The following PTPRN2 variants were observed in gnomAD, a reference collection of about 807,000 sequenced individuals.
The protein encoded by PTPRN2 is receptor-type tyrosine-protein phosphatase N2.
PTPRN2 carries 74 observed loss-of-function variants against 118.8 expected under a neutral mutation model. The observed-to-expected ratio is 0.62, with a 90% confidence interval of 0.52 to 0.76. The LOEUF is 0.76. Among genes scored for constraint, PTPRN2 ranks in the 30% least tolerant of loss-of-function variants. The probability of loss-of-function intolerance (pLI) is 0.00; values close to 1 mark genes in which losing one functional copy is unlikely to be tolerated. For synonymous variants in PTPRN2, 641 were observed against 608.0 expected (o/e 1.05, Z -0.80); for missense variants, 1,481 against 1,394.4 (o/e 1.06, Z -0.99).
At chr7:157,670,405 A>C (rs559149586) in intron 13 of PTPRN2, among the ~76,000 whole-genome samples, 7 of 152,288 alleles carry the variant, frequency 4.6e-5, no homozygotes, top group African/African-American at 1.7e-4. Context: ...TGAAACCAGG[A>C]AACAGTTGTG....
intron 13 of PTPRN2, among the ~76,000 whole-genome samples, chr7:157,658,362 A>AG (rs1292557976): frequency 6.6e-6 from 1 of 152,204 alleles, no homozygotes; most frequent in East Asian, 1.9e-4. Flanking sequence ...GGCACAGGGG[A>AG]GGGAGAAAGG....
chr7:158,051,106 T>C (rs1418789228), intron 11 of PTPRN2, among the ~76,000 whole-genome samples: 2 of 152,154 alleles, frequency 1.3e-5, no homozygotes, highest in Admixed American at 1.3e-4. Flanking sequence ...GCAGTGCCCA[T>C]GGGGGGCATC....
chr7:157,656,504 C>G lies in PTPRN2; in HGVS notation c.2049G>C (p.Glu683Asp), dbSNP rs1205095222. 2 of 1,552,618 alleles carry G rather than the reference C, an allele frequency of 1.3e-6. No individual in the cohort carries two copies. The highest frequency in any genetic ancestry group is 1.7e-6 in the Non-Finnish European group (2 of 1,153,734). ...TGCTGATGCGTGACGTGTGCGGGCC[C>G]TCAGGTCGGTCTGGTGGCCGCGTGG... Reference protein sequence around the residue: ...RMATRPPDRPEGPHTSRISSV... With the variant: ...RMATRPPDRPDGPHTSRISSV... Residue 683 changes from glutamate (E) to aspartate (D), a missense_variant, in exon 14 of 23, where the codon GAG (glutamate) becomes GAC (aspartate). Physicochemically the swap from Glu to Asp is conservative, Grantham distance 45. Around this residue, in one of 3 missense-constraint regions of PTPRN2, gnomAD observed 1,115 missense variants for 994.2 expected, o/e 1.12. Transcript: ENST00000389418.
chr7:158,495,598 G>A lies in PTPRN2; in HGVS notation c.113-5813C>T, dbSNP rs558709528. ...GGCAGCACAGACCCTTGGGACCAAGGAGTCCCCACACCCCACTGAGGTTTT... is the reference window on the plus strand; with the variant it reads ...GGCAGCACAGACCCTTGGGACCAAGAAGTCCCCACACCCCACTGAGGTTTT... On this transcript the variant is annotated intron_variant, in intron 1 of 22. Coordinates refer to ENST00000389418, the MANE Select transcript of PTPRN2 (RefSeq NM_002847.5). 4.7e-4 allele frequency among the ~76,000 whole-genome samples: 71 copies of A among 152,254 alleles called. 1 individual carries two copies. The South Asian group carries it at 0.014, about 31-fold the overall frequency.
intron 12 of PTPRN2, among the ~76,000 whole-genome samples, chr7:157,793,354 C>T (rs139035618): frequency 4.6e-5 from 7 of 151,958 alleles, no homozygotes; most frequent in Middle Eastern, 3.4e-3. Flanking sequence ...ATAACCTTTA[C>T]ATTTTGGGGT....
intron 14 of PTPRN2, among the ~76,000 whole-genome samples, chr7:157,644,893 G>A (rs117539664): frequency 9.3e-4 from 142 of 152,176 alleles, no homozygotes; most frequent in Admixed American, 1.8e-3. Context: ...ATTTCCACCC[G>A]TGGGAACCAC....
At chr7:157,719,079 CCT>C (rs1334180481) in intron 12 of PTPRN2, among the ~76,000 whole-genome samples, 1 of 152,208 alleles carries the variant, frequency 6.6e-6, no homozygotes, top group Non-Finnish European at 1.5e-5. Flanking sequence ...GTGCATGGCC[CCT>C]GTCCTCCAAC....
intron 11 of PTPRN2, among the ~76,000 whole-genome samples, chr7:157,948,982 G>A (rs561227771): frequency 3.3e-5 from 5 of 152,134 alleles, no homozygotes; most frequent in Non-Finnish European, 5.9e-5. Flanking sequence ...ATAAATGTGG[G>A]TTCTGCAGGG....
intron 3 of PTPRN2, among the ~76,000 whole-genome samples, chr7:158,292,311 C>T (rs926247191): frequency 2.0e-5 from 3 of 152,100 alleles, no homozygotes; most frequent in South Asian, 2.1e-4. Context: ...AGATGGAGCC[C>T]GCCTCCTGGT....
chr7:158,258,941 G>A (rs1797208502), intron 3 of PTPRN2, among the ~76,000 whole-genome samples: 1 of 152,194 alleles, frequency 6.6e-6, no homozygotes, highest in Non-Finnish European at 1.5e-5. Context: ...ATGTGGAAGA[G>A]TTGATTTCAA....
intron 11 of PTPRN2, among the ~76,000 whole-genome samples, chr7:157,922,181 T>C (rs1798727048): frequency 6.6e-6 from 1 of 152,228 alleles, no homozygotes; most frequent in Non-Finnish European, 1.5e-5. Context: ...AGTGAAACTT[T>C]CAGGAGAATT....
chr7:158,135,353 T>C (rs547003277), intron 8 of PTPRN2, among the ~76,000 whole-genome samples: 31 of 152,228 alleles, frequency 2.0e-4, no homozygotes, highest in Non-Finnish European at 3.8e-4. Flanking sequence ...GGATCCTCAA[T>C]GACAATAGGA....
At chr7:157,783,651 G>T (rs1803824153) in intron 12 of PTPRN2, among the ~76,000 whole-genome samples, 1 of 151,716 alleles carries the variant, frequency 6.6e-6, no homozygotes, top group South Asian at 2.1e-4. Context: ...CAAGATTCCA[G>T]GAGCCCTCTT....
intron 11 of PTPRN2, among the ~76,000 whole-genome samples, chr7:158,020,844 T>C (rs866702320): frequency 6.6e-6 from 1 of 152,278 alleles, no homozygotes; most frequent in South Asian, 2.1e-4. Context: ...ATCACTGCAA[T>C]AACCTTCTTC....
At chr7:158,331,889 T>TCACACC (rs1804533981) in intron 2 of PTPRN2, among the ~76,000 whole-genome samples, 1 of 149,460 alleles carries the variant, frequency 6.7e-6, no homozygotes, top group Non-Finnish European at 1.5e-5. Flanking sequence ...CAGACGTCAC[T>TCACACC]CACACCCACA....
At chr7:158,401,077 G>A (rs1031485371) in intron 2 of PTPRN2, among the ~76,000 whole-genome samples, 1 of 152,112 alleles carries the variant, frequency 6.6e-6, no homozygotes, top group Non-Finnish European at 1.5e-5. Flanking sequence ...AAGAGAAAGC[G>A]GCACCGCCAC....
rs1414591474 is a variant in PTPRN2, at chr7:158,587,261, CT to C, written c.112+296del. ...GAGGCGCCCCTCCCCCCACGCCCCC[CT>C]CTCATTCATTGAGGCGTCCCTCCCC... is the stretch of plus-strand genomic sequence containing the variant. On this transcript the variant is annotated intron_variant, in intron 1 of 22. Coordinates refer to ENST00000389418, the MANE Select transcript of PTPRN2 (RefSeq NM_002847.5). Among the ~76,000 whole-genome samples, 89 of 117,318 alleles carry C rather than the reference CT, an allele frequency of 7.6e-4. 1 individual carries two copies. Among genetic ancestry groups the C allele is most frequent in the East Asian group, 5.8e-3 (20 of 3,446 alleles). 77.0% of individuals were successfully genotyped at this position (117,318 alleles called of 152,430 possible). A position where few individuals can be genotyped will look rare whatever the true frequency, so the allele number is the denominator to read the frequency against.
At chr7:158,366,678 C>T (rs934236374) in intron 2 of PTPRN2, among the ~76,000 whole-genome samples, 2 of 152,102 alleles carry the variant, frequency 1.3e-5, no homozygotes, top group South Asian at 2.1e-4. Flanking sequence ...GGTTCTTCTG[C>T]CACATTTGCT....
At chr7:158,322,105 T>C (rs1200910490) in intron 2 of PTPRN2, among the ~76,000 whole-genome samples, 4 of 152,164 alleles carry the variant, frequency 2.6e-5, no homozygotes, top group Non-Finnish European at 4.4e-5. Context: ...GCAAAGCCCC[T>C]TCCTGTTCTG....
Sources: allele counts gnomAD v4.1 joint callset (sites outside exome capture counted in the v4.1 genomes callset), GRCh38; gene constraint gnomAD v4.1.1; regional missense constraint gnomAD v4.1.1; transcripts MANE v1.5; gene names NCBI Gene and HGNC (gene_info 2026-07-23, HGNC 2026-07-21).